Variants in MACROH2A2 observed in about 807,000 individuals in gnomAD.
The protein encoded by MACROH2A2 is macroH2A.2 histone.
A neutral mutation model predicts 37.6 loss-of-function variants in MACROH2A2; 6 were observed. That is an observed-to-expected ratio of 0.16 (90% confidence interval 0.09 to 0.32). MACROH2A2 has a LOEUF of 0.32. Among genes scored for constraint, MACROH2A2 ranks in the 10% least tolerant of loss-of-function variants. The pLI is 1.00. For synonymous variants in MACROH2A2, 192 were observed against 202.7 expected, an observed-to-expected ratio of 0.95 and a Z score of 0.45; for missense variants, 290 against 485.9, an observed-to-expected ratio of 0.60 and a Z score of 3.79.
intron 6 of MACROH2A2, 53 bp downstream of exon 6, chr10:70,095,806 C>T: frequency 1.2e-6 from 1 of 851,556 alleles, no homozygotes; most frequent in African/African-American, 1.7e-5. Flanking sequence ...ACTGTTCAGG[C>T]AAGTTCTTGT....
chr10:70,083,901 G>T (rs1257064589), intron 2 of MACROH2A2, among the ~76,000 whole-genome samples: 1 of 151,212 alleles, frequency 6.6e-6, no homozygotes, highest in East Asian at 1.9e-4. Flanking sequence ...CAATGTAAGT[G>T]AGGAAAAATG....
At chr10:70,058,013 G>T (rs189014363) in intron 1 of MACROH2A2, among the ~76,000 whole-genome samples, 1 of 152,172 alleles carries the variant, frequency 6.6e-6, no homozygotes, top group East Asian at 1.9e-4. Context: ...GTAAGAGCAA[G>T]GAGCTGGTAG....
At chr10:70,088,740 G>A (rs1407921962) in intron 2 of MACROH2A2, among the ~76,000 whole-genome samples, 1 of 152,178 alleles carries the variant, frequency 6.6e-6, no homozygotes, top group Non-Finnish European at 1.5e-5. Flanking sequence ...CCTCATCCCA[G>A]AGTGTAAGTC....
chr10:70,068,329 G>A (rs2072090519), intron 1 of MACROH2A2, among the ~76,000 whole-genome samples: 1 of 152,136 alleles, frequency 6.6e-6, no homozygotes, highest in Non-Finnish European at 1.5e-5. Flanking sequence ...TAGGGCAGAG[G>A]AAATGCCTGC....
At chr10:70,060,159 C>T (rs945684300) in intron 1 of MACROH2A2, among the ~76,000 whole-genome samples, 2 of 152,000 alleles carry the variant, frequency 1.3e-5, no homozygotes, top group Admixed American at 6.5e-5. Context: ...CACTTGAGGT[C>T]AGGAGTTGGA....
intron 2 of MACROH2A2, among the ~76,000 whole-genome samples, chr10:70,085,644 TC>T (rs1182179688): frequency 6.6e-6 from 1 of 152,208 alleles, no homozygotes; most frequent in East Asian, 1.9e-4. Context: ...CTTTACAGCA[TC>T]CCTTTTGGCT....
intron 2 of MACROH2A2, among the ~76,000 whole-genome samples, chr10:70,089,124 A>G (rs181814193): frequency 6.6e-6 from 1 of 152,234 alleles, no homozygotes; most frequent in East Asian, 1.9e-4. Context: ...AAAGAAAAAG[A>G]CAGTCTAAGA....
intron 2 of MACROH2A2, among the ~76,000 whole-genome samples, chr10:70,077,983 T>A (rs1220926214): frequency 6.6e-6 from 1 of 152,136 alleles, no homozygotes; most frequent in Non-Finnish European, 1.5e-5. Context: ...CCTCACGCCC[T>A]CGACCTCAAG....
chr10:70,081,709 C>T (rs569784309), intron 2 of MACROH2A2, among the ~76,000 whole-genome samples: 14 of 152,106 alleles, frequency 9.2e-5, no homozygotes, highest in Non-Finnish European at 1.3e-4. Context: ...GACTGGGAGA[C>T]AGAGGGGGTG....
Position 70,053,301 on chromosome 10 carries a change from T to G in MACROH2A2, c.-60+301T>G, listed in dbSNP as rs1194065537. Among the ~76,000 whole-genome samples, 3 of 150,400 alleles carry G rather than the reference T, an allele frequency of 2.0e-5. No homozygotes were observed. The highest frequency in any genetic ancestry group is 4.4e-5 in the Non-Finnish European group (3 of 67,576). On this transcript the variant is annotated intron_variant, in intron 1 of 8. Transcript: ENST00000373255. The surrounding 1 kb of genome is among the most constrained non-coding windows in gnomAD (Gnocchi z 4.8). ...GAGGGGAAGGAGGAGGGATGCGAGG[T>G]TCAGCAGCGGGCCCCAGGCGAGGCT... is the stretch of plus-strand genomic sequence containing the variant.
intron 1 of MACROH2A2, among the ~76,000 whole-genome samples, chr10:70,072,091 A>G (rs2072114444): frequency 6.6e-6 from 1 of 152,142 alleles, no homozygotes; most frequent in Non-Finnish European, 1.5e-5. Flanking sequence ...AAACTTTTTA[A>G]CCTTTTTAAA....
At position 70,111,707 on chromosome 10, in the gene MACROH2A2, C is replaced by T. The variant is rs752989801; in HGVS notation, c.*24C>T. ...AGCCGCCGCACTTTCCAGCAGGGAT[C>T]GGAGGACGACCCGAGTCCCAAGAGT... On this transcript the variant is annotated 3_prime_UTR_variant, in exon 9 of 9. Transcript: ENST00000373255. 4 of 1,562,024 alleles carry T rather than the reference C, an allele frequency of 2.6e-6. No individual in the cohort carries two copies. The highest frequency in any genetic ancestry group is 3.5e-6 in the Non-Finnish European group (4 of 1,149,964).
intron 1 of MACROH2A2, among the ~76,000 whole-genome samples, chr10:70,072,694 C>T (rs1210609743): frequency 6.6e-6 from 1 of 152,136 alleles, no homozygotes; most frequent in African/African-American, 2.4e-5. Context: ...TGGTGGCTCA[C>T]ACCTGTAATC....
At chr10:70,062,071 T>C (rs2072053765) in intron 1 of MACROH2A2, among the ~76,000 whole-genome samples, 1 of 152,184 alleles carries the variant, frequency 6.6e-6, no homozygotes, top group Non-Finnish European at 1.5e-5. Flanking sequence ...TAACAAACTA[T>C]TATTATTTTA....
At position 70,091,945 on chromosome 10, in the gene MACROH2A2, G is replaced by A. The variant is rs115927656; in HGVS notation, c.468G>A (p.Thr156=). Residue 156 remains threonine (T), a synonymous_variant, in exon 4 of 9, where the codon ACG becomes ACA. Coordinates refer to ENST00000373255, the MANE Select transcript of MACROH2A2 (RefSeq NM_018649.3). The part of the protein sequence containing the change: ...GKKSKAAKPR[T]SKKSKPKDSD... ...AATCCAAGGCTGCCAAACCACGGACGTCCAAAAAGGTAGGCCGAGGCTGCG... is the reference window on the plus strand; with the variant it reads ...AATCCAAGGCTGCCAAACCACGGACATCCAAAAAGGTAGGCCGAGGCTGCG... 281 of 1,613,182 alleles carry A rather than the reference G, an allele frequency of 1.7e-4. 1 individual carries two copies. In the African/African-American group the frequency reaches 3.0e-3, roughly 17 times the overall value.
intron 1 of MACROH2A2, among the ~76,000 whole-genome samples, chr10:70,060,640 C>T (rs1039030598): frequency 6.6e-5 from 10 of 152,230 alleles, no homozygotes; most frequent in African/African-American, 1.9e-4. Flanking sequence ...TGCGCCTGCA[C>T]ACCTCTACTC....
At chr10:70,071,808 G>A (rs1252109232) in intron 1 of MACROH2A2, among the ~76,000 whole-genome samples, 1 of 152,172 alleles carries the variant, frequency 6.6e-6, no homozygotes, top group Non-Finnish European at 1.5e-5. Flanking sequence ...AGTATAAAAT[G>A]TAAACAGCAG....
intron 7 of MACROH2A2, among the ~76,000 whole-genome samples, chr10:70,102,734 GAAGAA>G (rs2072313956): frequency 6.6e-6 from 1 of 151,690 alleles, no homozygotes; most frequent in Non-Finnish European, 1.5e-5. Context: ...AAAGAAAAAA[GAAGAA>G]AAGAAAAAAG....
At chr10:70,111,323 G>A (rs1410572332) in intron 8 of MACROH2A2, among the ~76,000 whole-genome samples, 195 bp from the exon 9 acceptor site, 2 of 152,120 alleles carry the variant, frequency 1.3e-5, no homozygotes, top group Admixed American at 6.5e-5. Flanking sequence ...CCGAGTCAGT[G>A]TGACACCTAT....
Sources: gnomAD v4.1 joint callset for allele counts (sites outside exome capture counted in the v4.1 genomes callset) on GRCh38, gnomAD v4.1.1 for gene constraint, Gnocchi (gnomAD v3.1) non-coding constraint, MANE v1.5 for transcripts, NCBI Gene and HGNC (gene_info 2026-07-23, HGNC 2026-07-21) for gene names.